CELSR1: variants seen among roughly 807,000 people sequenced by gnomAD.
The protein encoded by CELSR1 is cadherin EGF LAG seven-pass G-type receptor 1.
In CELSR1, 110 loss-of-function variants were observed where a neutral mutation model predicts 249.1. That is an observed-to-expected ratio of 0.44 (90% CI 0.38 to 0.52). The LOEUF is 0.52. CELSR1 is among the 20% of genes least tolerant of loss of function. CELSR1 has a pLI of 0.00. For synonymous variants in CELSR1, 2,113 were observed against 1,900.0 expected (o/e 1.11, Z -2.92); for missense variants, 4,109 against 4,296.4 (o/e 0.96, Z 1.22).
chr22:46,463,673 T>C (rs944409424), intron 2 of CELSR1, 34 bp downstream of exon 2: 7 of 1,486,732 alleles, frequency 4.7e-6, no homozygotes, highest in South Asian at 4.3e-5. Context: ...CCTGGGGACA[T>C]GTACACAAAG....
intron 17 of CELSR1, 42 bp from the exon 18 acceptor site, chr22:46,389,541 G>A (rs769603101): frequency 3.3e-5 from 52 of 1,596,264 alleles, no homozygotes; most frequent in African/African-American, 6.7e-5. Flanking sequence ...AACCCACTTC[G>A]GCCGCTTTCA....
At chr22:46,462,698 G>A (rs914454794) in intron 2 of CELSR1, 1 of 255,316 alleles carries the variant, frequency 3.9e-6, no homozygotes, top group Non-Finnish European at 7.8e-6. Flanking sequence ...TTGTAAACTC[G>A]CTTATCAAAT....
chr22:46,524,940 C>A (rs1311357325), intron 1 of CELSR1, among the ~76,000 whole-genome samples: 2 of 152,154 alleles, frequency 1.3e-5, no homozygotes, highest in Admixed American at 1.3e-4. Context: ...GCCCCCTCCC[C>A]TCACCCCTCC....
At position 46,366,417 on chromosome 22, in the gene CELSR1, C is replaced by G; in HGVS notation, c.8269G>C (p.Glu2757Gln). 3.2e-6 allele frequency: 5 copies of G among 1,549,968 alleles called. No homozygotes were observed. The highest frequency in any genetic ancestry group is 4.4e-6 in the Non-Finnish European group (5 of 1,146,600). Residue 2757 changes from glutamate (E) to glutamine (Q), a missense_variant, in exon 30 of 35, where the codon GAG (glutamate) becomes CAG (glutamine). By Grantham distance (29) the Glu-to-Gln change is conservative. Around this residue, in one of 7 missense-constraint regions of CELSR1, gnomAD observed 1,805 missense variants for 1,831.6 expected, o/e 0.99. Coordinates refer to ENST00000674500, the MANE Select transcript of CELSR1 (RefSeq NM_001378328.1). ...GPDMLRTDLG[E>Q]STASLDSIVR... is the part of the protein sequence containing the mutation. ...ATGCTGTCCAGCGAGGCGGTGGACT[C>G]GCCCAAGTCTGTGCGCAGCATGTCA...
In CELSR1 at chr22:46,364,132, A is replaced by G. The variant is rs1440808465; in HGVS notation, c.8899T>C (p.Ser2967Pro). Residue 2967 changes from serine to proline, a missense_variant, in exon 34 of 35, where the codon TCT becomes CCT. By Grantham distance (74) the Ser-to-Pro change is moderately conservative. Coordinates refer to ENST00000674500, the MANE Select transcript of CELSR1 (RefSeq NM_001378328.1). ...TCGGGGCCGCCAGAGCCCAGGGAAG[A>G]CGTGCGCGAGGATGTGGGGCTCTGC... The part of the protein sequence containing the change: ...CEQSPTSSRT[S>P]SLGSGGPDCA... The G allele has an allele frequency of 6.2e-7, 1 of 1,612,256 alleles. No homozygotes were observed. The highest frequency in any genetic ancestry group is 1.7e-5 in the Admixed American group (1 of 59,984).
At chr22:46,392,298 C>T (rs2147257754) in intron 14 of CELSR1, among the ~76,000 whole-genome samples, 1 of 152,310 alleles carries the variant, frequency 6.6e-6, no homozygotes, top group Middle Eastern at 3.4e-3. Flanking sequence ...ATTGCCTGGG[C>T]TGGTCACCGG....
At chr22:46,372,435 AC>A (rs5845746) in intron 25 of CELSR1, among the ~76,000 whole-genome samples, 5 of 20,804 alleles carry the variant, frequency 2.4e-4, no homozygotes, top group Non-Finnish European at 3.3e-4. Flanking sequence ...CCACTCATTC[AC>A]CCCCATCCAT....
rs750903620 is a variant in CELSR1, at chr22:46,399,792, G to C, written c.5337C>G (p.Ile1779Met). 6.2e-7 allele frequency: 1 copy of C among 1,614,100 alleles called. No homozygotes were observed. Reference protein sequence around the residue: ...VTDGEWHHLLIELKNVKEDSE... With the variant: ...VTDGEWHHLLMELKNVKEDSE... ...TGTCCTCCTTAACATTCTTCAGCTCGATCAGCAGGTGGTGCCACTCCCCGT... is the reference window on the plus strand; with the variant it reads ...TGTCCTCCTTAACATTCTTCAGCTCCATCAGCAGGTGGTGCCACTCCCCGT... Residue 1779 changes from isoleucine (I) to methionine (M), a missense_variant, in exon 10 of 35, where the codon ATC becomes ATG. Physicochemically the swap from Ile to Met is conservative, Grantham distance 10. This residue lies in a region of CELSR1 where 1,805 missense variants were observed against 1,831.6 expected (regional missense o/e 0.99). Coordinates refer to ENST00000674500, the MANE Select transcript of CELSR1 (RefSeq NM_001378328.1). This position sits in a 1 kb window ranked among gnomAD's most constrained non-coding sequence, Gnocchi z 5.0.
intron 1 of CELSR1, among the ~76,000 whole-genome samples, chr22:46,510,886 G>A (rs996671701): frequency 2.0e-5 from 3 of 152,088 alleles, no homozygotes; most frequent in Non-Finnish European, 2.9e-5. Context: ...AGGCCCAGGC[G>A]GGTAGATCAC....
In CELSR1 at chr22:46,460,208, CACA is replaced by C. The variant is rs1490272012; in HGVS notation, c.4183+3496_4183+3498del. The stretch of plus-strand genomic sequence containing the variant: ...ACACACACACACACACACACACACA[CACA>C]CACACCCATTAGCTACAGTCCCTGC... On this transcript the variant is annotated intron_variant, in intron 2 of 34. Transcript: ENST00000674500. Among the ~76,000 whole-genome samples the C allele has an allele frequency of 6.9e-3, 1,013 of 145,838 alleles. 11 individuals carry two copies. The highest frequency in any genetic ancestry group is 0.011 in the Non-Finnish European group (750 of 67,278).
intron 1 of CELSR1, among the ~76,000 whole-genome samples, chr22:46,532,196 T>C (rs992240383): frequency 2.2e-4 from 33 of 152,214 alleles, no homozygotes; most frequent in African/African-American, 8.0e-4. Context: ...ACCCTATTAT[T>C]GGGCCAAGTC....
At chr22:46,369,287 T>TCGCCGAC (rs1256209010) in intron 26 of CELSR1, 29 bp from the exon 27 acceptor site, 5 of 51,690 alleles carry the variant, frequency 9.7e-5, no homozygotes, top group Non-Finnish European at 1.3e-4. Context: ...GATCAATGTC[T>TCGCCGAC]TCTCTCTCGT....
intron 1 of CELSR1, among the ~76,000 whole-genome samples, chr22:46,523,449 A>G (rs1233229045): frequency 6.6e-6 from 1 of 151,898 alleles, no homozygotes; most frequent in East Asian, 1.9e-4. Context: ...AATCGCTTGA[A>G]CTTGTGAGGC....
intron 1 of CELSR1, among the ~76,000 whole-genome samples, chr22:46,495,438 G>C (rs1246541117): frequency 6.6e-6 from 1 of 152,216 alleles, no homozygotes; most frequent in Non-Finnish European, 1.5e-5. Context: ...AGTTGCCCTG[G>C]GTAAGTGGGT....
At chr22:46,528,959 A>G (rs201549247) in intron 1 of CELSR1, among the ~76,000 whole-genome samples, 1 of 132,496 alleles carries the variant, frequency 7.5e-6, no homozygotes, top group African/African-American at 3.0e-5. Context: ...AAAATAAAAT[A>G]AAAATAAAAA....
rs2080299282 is a variant in CELSR1 at position 46,484,890 on chromosome 22, C to A, written c.3545-20545G>T. ...TTGGGGGAAAAGATCAAATATTGGCCCAGACGTCTATTAATTTGCAACTTG... is the reference window on the plus strand; with the variant it reads ...TTGGGGGAAAAGATCAAATATTGGCACAGACGTCTATTAATTTGCAACTTG... On this transcript the variant is annotated intron_variant, in intron 1 of 34. Coordinates refer to ENST00000674500, the MANE Select transcript of CELSR1 (RefSeq NM_001378328.1). The surrounding 1 kb of genome is among the most constrained non-coding windows in gnomAD (Gnocchi z 4.5). 6.6e-6 allele frequency among the ~76,000 whole-genome samples: 1 copy of A among 150,898 alleles called. No individual in the cohort carries two copies. The highest frequency in any genetic ancestry group is 1.5e-5 in the Non-Finnish European group (1 of 67,868).
intron 1 of CELSR1, among the ~76,000 whole-genome samples, chr22:46,470,116 A>AT (rs1220322604): frequency 7.0e-6 from 1 of 143,666 alleles, no homozygotes; most frequent in African/African-American, 2.7e-5. Flanking sequence ...TGCCTGTTTG[A>AT]CTTTTTTTTT....
intron 2 of CELSR1, among the ~76,000 whole-genome samples, chr22:46,456,673 AAAAAAAAAAAAAAAGAG>A (rs1161022058): frequency 6.6e-6 from 1 of 151,204 alleles, no homozygotes; most frequent in Non-Finnish European, 1.5e-5. Context: ...AAAAAAAAAA[AAAAAAAAAAAAAAAGAG>A]AACCCAAAAT....
At chr22:46,418,932 G>A (rs9626869) in intron 5 of CELSR1, among the ~76,000 whole-genome samples, 2,324 of 152,318 alleles carry the variant, frequency 0.015, 58 homozygotes, top group African/African-American at 0.053. Flanking sequence ...CACAAGAACC[G>A]TGGGTCCGGA....
Sources: allele counts gnomAD v4.1 joint callset (sites outside exome capture counted in the v4.1 genomes callset), GRCh38; gene constraint gnomAD v4.1.1; regional missense constraint gnomAD v4.1.1; non-coding constraint Gnocchi (gnomAD v3.1); transcripts MANE v1.5; gene names NCBI Gene and HGNC (gene_info 2026-07-23, HGNC 2026-07-21).